The following TNS1 variants were observed in gnomAD, a reference collection of about 807,000 sequenced individuals.
TNS1 encodes the protein tensin-1.
TNS1 carries 62 observed loss-of-function variants against 168.6 expected under a neutral mutation model. That is an observed-to-expected ratio of 0.37 (90% confidence interval 0.30 to 0.45). TNS1 has a LOEUF of 0.45. Among genes scored for constraint, TNS1 ranks in the 20% least tolerant of loss-of-function variants. The pLI, the probability that TNS1 is intolerant of heterozygous loss-of-function variation, is 1.00. For synonymous variants in TNS1, 934 were observed against 933.2 expected (o/e 1.00, Z -0.02); for missense variants, 2,240 against 2,339.4 (o/e 0.96, Z 0.88).
At chr2:217,953,906 C>G (rs1254179315) in intron 3 of TNS1, among the ~76,000 whole-genome samples, 1 of 152,212 alleles carries the variant, frequency 6.6e-6, no homozygotes, top group East Asian at 1.9e-4. Flanking sequence ...CAGCTGTCCC[C>G]CTTGGGTACC....
At chr2:217,969,802 A>G (rs1957734547) in intron 3 of TNS1, among the ~76,000 whole-genome samples, 1 of 152,206 alleles carries the variant, frequency 6.6e-6, no homozygotes, top group Admixed American at 6.5e-5. Flanking sequence ...AGGATGTGGA[A>G]AAATTGGAAA....
chr2:217,822,679 A>T (rs188554543), intron 22 of TNS1, among the ~76,000 whole-genome samples: 1 of 152,312 alleles, frequency 6.6e-6, no homozygotes, highest in Non-Finnish European at 1.5e-5. Flanking sequence ...TGTTCAAAAC[A>T]GCCTAAGAGG....
At chr2:218,002,245 T>C (rs906599956) in intron 1 of TNS1, among the ~76,000 whole-genome samples, 2 of 152,098 alleles carry the variant, frequency 1.3e-5, no homozygotes, top group Admixed American at 6.5e-5. Context: ...GAGCGGGCCA[T>C]GGCTCCCTCC....
rs1947164196 is a variant in TNS1, at chr2:217,849,441, G to T, written c.1430-354C>A. 2.6e-5 allele frequency among the ~76,000 whole-genome samples: 4 copies of T among 152,330 alleles called. No individual in the cohort carries two copies. In the South Asian group the frequency reaches 6.2e-4, roughly 24 times the overall value. On this transcript the variant is annotated intron_variant, in intron 18 of 32. Coordinates refer to ENST00000682258, the MANE Select transcript of TNS1 (RefSeq NM_001387777.1). Reference sequence around the variant, plus strand: ...GAGCCAGCCTCCTGGTCCATAAAATGGGGATAATAATAGAATCTGGTTGAA... The same window carrying T: ...GAGCCAGCCTCCTGGTCCATAAAATTGGGATAATAATAGAATCTGGTTGAA...
intron 2 of TNS1, among the ~76,000 whole-genome samples, chr2:217,984,848 C>T (rs928052447): frequency 5.9e-5 from 9 of 151,512 alleles, no homozygotes; most frequent in Non-Finnish European, 7.4e-5. Context: ...CTCCACCTCC[C>T]GGGTTCAAGA....
intron 3 of TNS1, among the ~76,000 whole-genome samples, chr2:217,928,956 A>G (rs1208176075): frequency 1.3e-5 from 2 of 152,196 alleles, no homozygotes; most frequent in African/African-American, 4.8e-5. Context: ...AGCAGCTGCC[A>G]GGTCCACATA....
Position 218,033,299 on chromosome 2 carries a change from C to G in TNS1, c.156+521G>C, listed in dbSNP as rs1055543502. On this transcript the variant is annotated intron_variant, in intron 1 of 1. Coordinates refer to the TNS1 transcript ENST00000649572. The surrounding 1 kb of genome is among the most constrained non-coding windows in gnomAD (Gnocchi z 4.3). ...AGACCTGTCCCCACTGCCAGGTCAG[C>G]TCCCCACTTGCTAGTCTCTGAGACT... Among the ~76,000 whole-genome samples, 1 of 152,036 alleles carries G rather than the reference C, an allele frequency of 6.6e-6. No homozygotes were observed. The highest frequency in any genetic ancestry group is 2.4e-5 in the African/African-American group (1 of 41,412).
In TNS1 at chr2:217,848,311, G is replaced by A; in HGVS notation, c.2206C>T (p.His736Tyr). 1 of 1,536,988 alleles carries A rather than the reference G, an allele frequency of 6.5e-7. No homozygotes were observed. Among genetic ancestry groups the A allele is most frequent in the Non-Finnish European group, 8.8e-7 (1 of 1,140,876 alleles). Reference sequence around the variant, plus strand: ...GAGCGGAACATACCGCTGGGGTCATGGGCATAGTGGGAGGTGGTCACTGGC... The same window carrying A: ...GAGCGGAACATACCGCTGGGGTCATAGGCATAGTGGGAGGTGGTCACTGGC... ...PQPVTTSHYAHDPSGMFRSQS... is the reference protein window; with the variant it reads ...PQPVTTSHYAYDPSGMFRSQS... Residue 736 changes from histidine to tyrosine, a missense_variant, in exon 19 of 33, where the codon CAT (histidine) becomes TAT (tyrosine). Physicochemically the swap from His to Tyr is moderately conservative, Grantham distance 83 (BLOSUM62 2). Around this residue, in one of 2 missense-constraint regions of TNS1, gnomAD observed 2,131 missense variants for 2,171.2 expected, o/e 0.98. Coordinates refer to ENST00000682258, the MANE Select transcript of TNS1 (RefSeq NM_001387777.1).
chr2:217,943,851 A>G (rs1488403236), intron 3 of TNS1: 2 of 152,686 alleles, frequency 1.3e-5, no homozygotes, highest in Non-Finnish European at 2.9e-5. Context: ...ACACACGCAC[A>G]TTCATTCACT....
intron 3 of TNS1, among the ~76,000 whole-genome samples, chr2:217,977,352 T>C (rs1053635046): frequency 6.6e-6 from 1 of 152,202 alleles, no homozygotes; most frequent in Admixed American, 6.5e-5. Context: ...ACCCACTGCA[T>C]GGAGGTACCT....
chr2:217,949,263 C>A (rs1022463439), intron 3 of TNS1, among the ~76,000 whole-genome samples: 3 of 152,192 alleles, frequency 2.0e-5, no homozygotes, highest in Non-Finnish European at 4.4e-5. Context: ...AGACGTTGGT[C>A]CTTGGCAGAA....
At chr2:217,910,713 TACACAC>T (rs10554233) in intron 4 of TNS1, among the ~76,000 whole-genome samples, 5,625 of 106,770 alleles carry the variant, frequency 0.053, 273 homozygotes, top group African/African-American at 0.14. Flanking sequence ...CACATACACA[TACACAC>T]ACACACACAC....
At position 217,945,627 on chromosome 2, in the gene TNS1, CTG is replaced by C. The variant is rs571364308; in HGVS notation, c.187-25393_187-25392del. On this transcript the variant is annotated intron_variant, in intron 3 of 32. Transcript: ENST00000682258. Reference sequence around the variant, plus strand: ...CACCAGCTTCAACAGCAGCCTCAATCTGTGAGAGTGTGGATGCTGTCCACAAA... The same window carrying C: ...CACCAGCTTCAACAGCAGCCTCAATCTGAGAGTGTGGATGCTGTCCACAAA... Among the ~76,000 whole-genome samples, 310 of 152,308 alleles carry C rather than the reference CTG, an allele frequency of 2.0e-3. 2 individuals carry two copies. The highest frequency in any genetic ancestry group is 7.0e-3 in the African/African-American group (290 of 41,570).
intron 22 of TNS1, among the ~76,000 whole-genome samples, chr2:217,831,046 C>T (rs1559187924): frequency 1.3e-5 from 2 of 152,090 alleles, no homozygotes; most frequent in Non-Finnish European, 2.9e-5. Context: ...CCCTGGCACA[C>T]AGCAGCAGGG....
intron 3 of TNS1, among the ~76,000 whole-genome samples, chr2:217,924,102 G>A (rs1050171872): frequency 9.2e-5 from 14 of 152,144 alleles, no homozygotes; most frequent in Non-Finnish European, 2.9e-5. Flanking sequence ...TCCGGGACCC[G>A]AAGCCACACA....
intron 19 of TNS1, among the ~76,000 whole-genome samples, chr2:217,844,805 C>T (rs1946425896): frequency 1.3e-5 from 2 of 152,226 alleles, no homozygotes; most frequent in South Asian, 4.1e-4. Context: ...GTATTGAAAT[C>T]TCCACCTCTA....
At chr2:218,017,353 T>G (rs1388233273) in intron 1 of TNS1, among the ~76,000 whole-genome samples, 3 of 152,228 alleles carry the variant, frequency 2.0e-5, no homozygotes, top group Non-Finnish European at 1.5e-5. Flanking sequence ...GAGGAGGTAT[T>G]TGATGGAACA....
chr2:217,850,545 C>A, intron 18 of TNS1: 1 of 984,692 alleles, frequency 1.0e-6, no homozygotes. Flanking sequence ...TGATTTCACA[C>A]CCTGTACAGT....
chr2:218,023,520 T>TG (rs1466865465), intron 1 of TNS1, among the ~76,000 whole-genome samples: 1 of 152,294 alleles, frequency 6.6e-6, no homozygotes, highest in East Asian at 1.9e-4. Context: ...ACCTGTCTCC[T>TG]GGCCAAGTCA....
Sources: gnomAD v4.1 joint callset for allele counts (sites outside exome capture counted in the v4.1 genomes callset) on GRCh38, gnomAD v4.1.1 for gene constraint, gnomAD v4.1.1 regional missense constraint, Gnocchi (gnomAD v3.1) non-coding constraint, MANE v1.5 for transcripts, NCBI Gene and HGNC (gene_info 2026-07-23, HGNC 2026-07-21) for gene names.